The following ABCC3 variants were observed in gnomAD, a reference collection of about 807,000 sequenced individuals.
ABCC3 encodes the protein ATP-binding cassette sub-family C member 3.
In ABCC3, 121 loss-of-function variants were observed where a neutral mutation model predicts 165.3. The observed-to-expected ratio is 0.73, with a 90% CI of 0.63 to 0.85. The LOEUF is 0.85. Ranked by LOEUF, ABCC3 falls within the 40% of genes least tolerant of loss-of-function variation. The probability of loss-of-function intolerance (pLI) is 0.00; values close to 1 mark genes in which losing one functional copy is unlikely to be tolerated. For missense variants in ABCC3, 1,869 were observed against 1,964.1 expected, an observed-to-expected ratio of 0.95 and a Z score of 0.92; for synonymous variants, 733 against 810.1, an observed-to-expected ratio of 0.90 and a Z score of 1.62.
intron 14 of ABCC3, 91 bp downstream of exon 14, chr17:50,668,608 C>T (rs1247449157): frequency 3.0e-5 from 32 of 1,071,328 alleles, no homozygotes; most frequent in Non-Finnish European, 4.3e-5. Flanking sequence ...CTCCTGACCC[C>T]TTTTCTTCTT....
chr17:50,659,403 T>G, intron 7 of ABCC3, 35 bp downstream of exon 7: 1 of 1,584,958 alleles, frequency 6.3e-7, no homozygotes, highest in Non-Finnish European at 8.6e-7. Flanking sequence ...ACCCAGCCCC[T>G]TCGCTTACCC....
chr17:50,638,864 G>A (rs376168131), intron 1 of ABCC3, among the ~76,000 whole-genome samples: 225 of 151,060 alleles, frequency 1.5e-3, no homozygotes, highest in African/African-American at 5.1e-3. Context: ...GCTCCAGCAG[G>A]GCTGAGGTGG....
At chr17:50,668,296 T>C in intron 13 of ABCC3, 134 bp from the exon 14 acceptor site, 1 of 741,344 alleles carries the variant, frequency 1.3e-6, no homozygotes. Context: ...GACTCAGTCG[T>C]GGGAGGGACC....
intron 25 of ABCC3, chr17:50,679,366 G>C (rs1253786140): frequency 6.5e-6 from 1 of 154,428 alleles, no homozygotes; most frequent in African/African-American, 2.4e-5. Context: ...ACCTAGGATG[G>C]GGCTCAGGAC....
At chr17:50,635,017 C>A in intron 1 of ABCC3, 36 bp downstream of exon 1, 1 of 1,256,136 alleles carries the variant, frequency 8.0e-7, no homozygotes, top group Non-Finnish European at 1.0e-6. Context: ...TGCGCGGGGG[C>A]CAGGGTCGGC....
Position 50,668,425 on chromosome 17 carries a change from C to T in ABCC3, c.1783-5C>T, listed in dbSNP as rs746206570. 1.8e-5 allele frequency: 29 copies of T among 1,612,962 alleles called. No individual in the cohort carries two copies. Among genetic ancestry groups the T allele is most frequent in the East Asian group, 1.3e-4 (6 of 44,856 alleles). On this transcript the variant is annotated splice_region_variant and splice_polypyrimidine_tract_variant and intron_variant, in intron 13 of 30. Transcript: ENST00000285238. ...TCTCTAGGGCTGACTCACATCCTCC[C>T]GTAGGCCAGTGTGTCTCTGAAACGG...
At chr17:50,688,210 T>G (rs1968059221) in intron 30 of ABCC3, among the ~76,000 whole-genome samples, 1 of 152,088 alleles carries the variant, frequency 6.6e-6, no homozygotes, top group Non-Finnish European at 1.5e-5. Flanking sequence ...GCGCCCAGCT[T>G]CAACAATGAC....
At position 50,675,720 on chromosome 17, in the gene ABCC3, CAG is replaced by C; in HGVS notation, c.2807_2808del (p.Glu936GlyfsTer62). On this transcript the variant is annotated frameshift_variant, in exon 21 of 31. Coordinates refer to ENST00000285238, the MANE Select transcript of ABCC3 (RefSeq NM_003786.4). LOFTEE classifies it high-confidence loss of function. ...GGTCCATCAGAGAAGGTGCAGGTGA[CAG>C]AGGCGAAGGCAGATGGGGCACTGAC... 1.3e-6 allele frequency: 2 copies of C among 1,565,458 alleles called. No individual in the cohort carries two copies. Among genetic ancestry groups the C allele is most frequent in the African/African-American group, 2.7e-5 (2 of 73,930 alleles).
intron 18 of ABCC3, 35 bp from the exon 19 acceptor site, chr17:50,673,434 G>A (rs750027052): frequency 1.9e-6 from 3 of 1,604,946 alleles, no homozygotes; most frequent in Non-Finnish European, 2.6e-6. Context: ...GTGCTGGAGG[G>A]TGGTAGGGGT....
At chr17:50,675,104 G>A (rs1017755191) in intron 19 of ABCC3, among the ~76,000 whole-genome samples, 2 of 152,080 alleles carry the variant, frequency 1.3e-5, no homozygotes, top group African/African-American at 2.4e-5. Flanking sequence ...GACCAAGGAC[G>A]TGAGTTTTAA....
At chr17:50,650,566 G>A (rs1397685846) in intron 1 of ABCC3, among the ~76,000 whole-genome samples, 4 of 151,900 alleles carry the variant, frequency 2.6e-5, no homozygotes, top group Middle Eastern at 3.4e-3. Flanking sequence ...TCTCATTTTC[G>A]AAAAATCAGT....
chr17:50,655,411 A>AAAC (rs1967210152), intron 1 of ABCC3, among the ~76,000 whole-genome samples: 1 of 149,040 alleles, frequency 6.7e-6, no homozygotes, highest in African/African-American at 2.5e-5. Flanking sequence ...TCTCAAAAAA[A>AAAC]AAAAAAAAAA....
At chr17:50,636,627 A>T (rs549598789) in intron 1 of ABCC3, among the ~76,000 whole-genome samples, 3 of 152,292 alleles carry the variant, frequency 2.0e-5, no homozygotes, top group South Asian at 4.1e-4. Context: ...GGTGCCTGGG[A>T]TGCCAAACAG....
intron 2 of ABCC3, 80 bp from the exon 3 acceptor site, chr17:50,656,622 T>C (rs1303207233): frequency 6.5e-7 from 1 of 1,527,332 alleles, no homozygotes; most frequent in Non-Finnish European, 8.8e-7. Flanking sequence ...TTCTGGTGGC[T>C]TCAGGTACAA....
chr17:50,643,429 G>A, intron 1 of ABCC3: 1 of 423,844 alleles, frequency 2.4e-6, no homozygotes, highest in Non-Finnish European at 4.8e-6. Context: ...AGGACAAGAT[G>A]TACATGGTAC....
intron 1 of ABCC3, among the ~76,000 whole-genome samples, chr17:50,653,286 C>T (rs1342561849): frequency 7.3e-6 from 1 of 137,740 alleles, no homozygotes. Context: ...GTGGTGGTTG[C>T]AGTGAACCGA....
Position 50,658,506 on chromosome 17 carries a change from C to G in ABCC3, c.674+10C>G. 6.2e-7 allele frequency: 1 copy of G among 1,612,250 alleles called. No homozygotes were observed. Among genetic ancestry groups the G allele is most frequent in the Non-Finnish European group, 8.5e-7 (1 of 1,178,244 alleles). On this transcript the variant is annotated intron_variant, in intron 6 of 30. Transcript: ENST00000285238. ...TCTGGTGGTTCACAAAGTGAGTTGG[C>G]TCTTCCACCAGCCAGGCCAGAGGGA...
chr17:50,667,034 A>AC (rs1967539729), intron 11 of ABCC3, among the ~76,000 whole-genome samples: 1 of 152,192 alleles, frequency 6.6e-6, no homozygotes, highest in South Asian at 2.1e-4. Flanking sequence ...AGCCTGGGCA[A>AC]CAGAGTGAGA....
At position 50,675,704 on chromosome 17, in the gene ABCC3, G is replaced by A. The variant is rs138376401; in HGVS notation, c.2788G>A (p.Glu930Lys). ...PVPRRHLGPS[E>K]KVQVTEAKAD... ...ACCCCGGAGGCACCTGGGTCCATCAGAGAAGGTGCAGGTGACAGAGGCGAA... is the reference window on the plus strand; with the variant it reads ...ACCCCGGAGGCACCTGGGTCCATCAAAGAAGGTGCAGGTGACAGAGGCGAA... Residue 930 changes from glutamate to lysine, a missense_variant, in exon 21 of 31, where the codon GAG becomes AAG. Glu to Lys is a moderately conservative substitution (Grantham distance 56). Transcript: ENST00000285238. 24 of 1,569,568 alleles carry A rather than the reference G, an allele frequency of 1.5e-5. No individual in the cohort carries two copies. Among genetic ancestry groups the A allele is most frequent in the Non-Finnish European group, 1.8e-5 (21 of 1,157,222 alleles).
Sources: gnomAD v4.1 joint callset for allele counts (sites outside exome capture counted in the v4.1 genomes callset) on GRCh38, gnomAD v4.1.1 for gene constraint, MANE v1.5 for transcripts, NCBI Gene and HGNC (gene_info 2026-07-23, HGNC 2026-07-21) for gene names.